NPR3: variants seen among roughly 807,000 people sequenced by gnomAD.
NPR3 encodes natriuretic peptide receptor 3, also known as atrial natriuretic peptide receptor 3.
NPR3 carries 34 observed loss-of-function variants against 54.5 expected under a neutral mutation model. That is an observed-to-expected ratio of 0.62 (90% confidence interval 0.47 to 0.83). The LOEUF is 0.83. Among genes scored for constraint, NPR3 ranks in the 40% least tolerant of loss-of-function variants. The pLI is 0.00. For missense variants in NPR3, 674 were observed against 720.8 expected, an observed-to-expected ratio of 0.94 and a Z score of 0.74; for synonymous variants, 289 against 297.1, an observed-to-expected ratio of 0.97 and a Z score of 0.28.
chr5:32,752,763 T>C (rs1046765896), intron 3 of NPR3, among the ~76,000 whole-genome samples: 2 of 152,140 alleles, frequency 1.3e-5, no homozygotes, highest in African/African-American at 4.8e-5. Flanking sequence ...TGGACTGAGG[T>C]GTTGCAGGAG....
chr5:32,712,555 G>A lies in NPR3; in HGVS notation c.769+10G>A, dbSNP rs1055524393. The A allele has an allele frequency of 3.3e-6, 5 of 1,505,410 alleles. No individual in the cohort carries two copies. The highest frequency in any genetic ancestry group is 1.8e-4 in the Middle Eastern group (1 of 5,620). 93.3% of individuals were successfully genotyped at this position (1,505,410 alleles called of 1,614,324 possible). On this transcript the variant is annotated intron_variant, in intron 1 of 7. Transcript: ENST00000265074. ...CAGGCCAGTGAGAGAGGTGAGCAGG[G>A]GCGCGTCCCGGGCCCCGGGCCCTAA...
intron 2 of NPR3, among the ~76,000 whole-genome samples, chr5:32,729,035 G>GT (rs57033344): frequency 8.4e-4 from 67 of 79,564 alleles, no homozygotes; most frequent in East Asian, 1.4e-3. Context: ...TTTTTGTTTT[G>GT]TTTTTTTTTT....
rs747157727 is a variant in NPR3, at chr5:32,724,742, C to G, written c.814C>G (p.Leu272Val). 1.9e-6 allele frequency: 3 copies of G among 1,613,952 alleles called. No individual in the cohort carries two copies. The highest frequency in any genetic ancestry group is 2.7e-5 in the African/African-American group (2 of 75,032). The part of the protein sequence containing the change: ...ASSDTIRSIM[L>V]VAHRHGMTSG... ...CAGTGACACCATCCGGAGCATCATG[C>G]TGGTGGCGCACAGGCATGGCATGAC... The change falls in exon 2 of 8, where the codon CTG becomes GTG. Residue 272 changes from leucine (L) to valine (V), a missense_variant. Coordinates refer to ENST00000265074, the MANE Select transcript of NPR3 (RefSeq NM_001204375.2).
chr5:32,709,954 T>G (rs1738126975), upstream of NPR3: 1 of 152,232 alleles, frequency 6.6e-6, no homozygotes. Flanking sequence ...CACGGACGCC[T>G]AGTCAAATGA....
chr5:32,715,753 C>T (rs1034080518), intron 1 of NPR3, among the ~76,000 whole-genome samples: 6 of 152,070 alleles, frequency 3.9e-5, no homozygotes, highest in South Asian at 4.1e-4. Context: ...GTTGTTTTGT[C>T]GATGCACTTT....
rs2112084469 is a variant in NPR3 at position 32,787,595 on chromosome 5, T to A, written c.*1250T>A. ...TTTTGTTTAAAAGAGGGAACCTAAA[T>A]ATCTACTCTATTCCCTTTCAGTTAA... On this transcript the variant is annotated 3_prime_UTR_variant, in exon 8 of 8. Transcript: ENST00000265074. 1 of 152,322 alleles carries A rather than the reference T, an allele frequency of 6.6e-6. No individual in the cohort carries two copies. Among genetic ancestry groups the A allele is most frequent in the Middle Eastern group, 3.4e-3 (1 of 294 alleles). The allele number at this position is 152,322 out of a possible 1,614,324, so 9.4% of individuals were successfully genotyped here.
At chr5:32,764,619 C>G (rs996345579) in intron 3 of NPR3, among the ~76,000 whole-genome samples, 3 of 151,626 alleles carry the variant, frequency 2.0e-5, no homozygotes, top group Non-Finnish European at 4.4e-5. Context: ...GAAACCCTGT[C>G]TCTACCAAAA....
chr5:32,701,956 G>A (rs1561068147), intron 1 of NPR3, among the ~76,000 whole-genome samples: 1 of 152,186 alleles, frequency 6.6e-6, no homozygotes, highest in Non-Finnish European at 1.5e-5. Context: ...CACCACCACT[G>A]GGACTGTGCT....
At chr5:32,751,386 A>G (rs1740566224) in intron 3 of NPR3, among the ~76,000 whole-genome samples, 1 of 152,236 alleles carries the variant, frequency 6.6e-6, no homozygotes, top group African/African-American at 2.4e-5. Context: ...TCCACTCTGT[A>G]GCAATCTCCA....
intron 3 of NPR3, among the ~76,000 whole-genome samples, chr5:32,768,975 C>T (rs551406932): frequency 6.6e-6 from 1 of 152,300 alleles, no homozygotes; most frequent in East Asian, 1.9e-4. Flanking sequence ...TTGCATTTTC[C>T]CAGAGTTCCA....
At chr5:32,710,210 T>G (rs985824307), upstream of NPR3, 23 of 152,088 alleles carry the variant, frequency 1.5e-4, 1 homozygote, top group African/African-American at 5.3e-4. Context: ...GTGGGAGGAC[T>G]GGGTCTCCGA....
chr5:32,778,617 C>T (rs954722488), intron 4 of NPR3, among the ~76,000 whole-genome samples: 2 of 152,172 alleles, frequency 1.3e-5, no homozygotes, highest in Admixed American at 6.5e-5. Flanking sequence ...TTGAGCTCCA[C>T]TACAGCCAAA....
intron 1 of NPR3, among the ~76,000 whole-genome samples, chr5:32,721,409 C>T (rs928392635): frequency 6.6e-6 from 1 of 152,216 alleles, no homozygotes; most frequent in Non-Finnish European, 1.5e-5. Flanking sequence ...TGCCTGTAAT[C>T]TCAGCACTTT....
At chr5:32,708,420 T>C (rs1376628426), upstream of NPR3, among the ~76,000 whole-genome samples, 1 of 152,172 alleles carries the variant, frequency 6.6e-6, no homozygotes, top group Non-Finnish European at 1.5e-5. Context: ...TTTATTGTGC[T>C]GTATTAGCCT....
chr5:32,759,862 T>C (rs987564215), intron 3 of NPR3, among the ~76,000 whole-genome samples: 3 of 152,206 alleles, frequency 2.0e-5, no homozygotes, highest in African/African-American at 7.2e-5. Flanking sequence ...CCTTCACTTA[T>C]GAAGCTTAGT....
At chr5:32,781,441 A>G (rs1579708623) in intron 5 of NPR3, among the ~76,000 whole-genome samples, 1 of 147,372 alleles carries the variant, frequency 6.8e-6, no homozygotes, top group East Asian at 2.0e-4. Context: ...AAAGAATGCC[A>G]CTTCCTCTGT....
intron 1 of NPR3, among the ~76,000 whole-genome samples, chr5:32,701,029 C>A (rs1737773264): frequency 1.3e-5 from 2 of 152,170 alleles, no homozygotes; most frequent in African/African-American, 2.4e-5. Context: ...TAAAAATGTT[C>A]CTCTTTCTCC....
At chr5:32,774,495 G>A (rs1052373496) in intron 3 of NPR3, among the ~76,000 whole-genome samples, 10 of 152,146 alleles carry the variant, frequency 6.6e-5, no homozygotes, top group South Asian at 2.1e-4. Context: ...ACTTCTGTAC[G>A]AGGCTTTCCA....
At chr5:32,692,612 C>T (rs1740420963) in intron 1 of NPR3, among the ~76,000 whole-genome samples, 1 of 152,192 alleles carries the variant, frequency 6.6e-6, no homozygotes, top group Non-Finnish European at 1.5e-5. Context: ...GCATTCTATT[C>T]TATTTTAGTC....
Sources: allele counts gnomAD v4.1 joint callset (sites outside exome capture counted in the v4.1 genomes callset), GRCh38; gene constraint gnomAD v4.1.1; transcripts MANE v1.5; gene names NCBI Gene and HGNC (gene_info 2026-07-23, HGNC 2026-07-21).